Variants in PCTP observed in about 807,000 individuals in gnomAD.
PCTP encodes the protein phosphatidylcholine transfer protein.
In PCTP, 27 loss-of-function variants were observed where a neutral mutation model predicts 31.0. The observed-to-expected ratio is 0.87, with a 90% confidence interval of 0.64 to 1.20. PCTP has a LOEUF of 1.20. Among genes scored for constraint, PCTP ranks in the 50% most tolerant of loss-of-function variants. The pLI is 0.00. For missense variants in PCTP, 287 were observed against 268.2 expected (o/e 1.07, Z -0.49); for synonymous variants, 108 against 101.2 (o/e 1.07, Z -0.40).
At chr17:55,762,587 G>T in intron 1 of PCTP, among the ~76,000 whole-genome samples, 1 of 152,128 alleles carries the variant, frequency 6.6e-6, no homozygotes, top group East Asian at 1.9e-4. Context: ...ATGACAAACA[G>T]AGGCATGTTT....
intron 2 of PCTP, 60 bp downstream of exon 2, chr17:55,767,512 TG>T (rs1204138569): frequency 8.4e-7 from 1 of 1,187,512 alleles, no homozygotes; most frequent in Admixed American, 1.8e-5. Context: ...TAGCCCAGGG[TG>T]AAGTGCAAAG....
chr17:55,754,396 A>G (rs894415973), intron 1 of PCTP, among the ~76,000 whole-genome samples: 2 of 152,312 alleles, frequency 1.3e-5, no homozygotes, highest in Middle Eastern at 3.4e-3. Flanking sequence ...AGGATACTAC[A>G]AAGTATACAG....
At chr17:55,808,114 A>G (rs1912633479) in intron 3 of PCTP, among the ~76,000 whole-genome samples, 1 of 152,198 alleles carries the variant, frequency 6.6e-6, no homozygotes, top group Admixed American at 6.5e-5. Flanking sequence ...CCTGAGGTAG[A>G]GTACCTCAAC....
chr17:55,756,146 T>A (rs1199739572), intron 1 of PCTP, among the ~76,000 whole-genome samples: 1 of 152,198 alleles, frequency 6.6e-6, no homozygotes, highest in Non-Finnish European at 1.5e-5. Flanking sequence ...CTGCCTCCCA[T>A]GTGCTACTGT....
chr17:55,839,780 C>T (rs1412368725), intron 5 of PCTP, among the ~76,000 whole-genome samples: 1 of 150,230 alleles, frequency 6.7e-6, no homozygotes, highest in Admixed American at 6.6e-5. Context: ...ATTAGCCGGG[C>T]GTAGTGGCGG....
At chr17:55,825,315 A>G (rs1905360447), downstream of PCTP, among the ~76,000 whole-genome samples, 1 of 152,254 alleles carries the variant, frequency 6.6e-6, no homozygotes, top group Non-Finnish European at 1.5e-5. Context: ...AGGATTGAGA[A>G]AAACTCAAGG....
At chr17:55,787,940 C>T (rs1911811414) in intron 3 of PCTP, among the ~76,000 whole-genome samples, 1 of 152,162 alleles carries the variant, frequency 6.6e-6, no homozygotes, top group African/African-American at 2.4e-5. Flanking sequence ...TATAATATGG[C>T]CCTCAGAGTT....
At chr17:55,808,906 T>C (rs1185933792) in intron 3 of PCTP, among the ~76,000 whole-genome samples, 1 of 152,178 alleles carries the variant, frequency 6.6e-6, no homozygotes, top group African/African-American at 2.4e-5. Context: ...CTAAGAATAA[T>C]GGGCTTGAGC....
chr17:55,838,182 A>G (rs1164408651), intron 5 of PCTP, among the ~76,000 whole-genome samples: 1 of 151,910 alleles, frequency 6.6e-6, no homozygotes, highest in Non-Finnish European at 1.5e-5. Flanking sequence ...ATCATATTTC[A>G]ATCCTGTTTA....
chr17:55,803,254 G>C (rs765696036), intron 3 of PCTP, among the ~76,000 whole-genome samples: 11 of 152,146 alleles, frequency 7.2e-5, no homozygotes, highest in Non-Finnish European at 1.5e-4. Flanking sequence ...TGGATAAGAA[G>C]AATCAATATT....
At chr17:55,822,774 C>T (rs759988907) in exon 4 of PCTP, 1 of 1,231,118 alleles carries the variant, frequency 8.1e-7, no homozygotes, top group Non-Finnish European at 1.0e-6. Flanking sequence ...CAGAGCAGAA[C>T]CAAGCGGGAA....
At position 55,777,179 on chromosome 17, in the gene PCTP, C is replaced by G. The variant is rs1911381247; in HGVS notation, c.*1079C>G. The stretch of plus-strand genomic sequence containing the variant: ...TTGGTAGGGTAAGGTATTTCTATGT[C>G]AAAGGCACAGCCTTGATGATCTCAG... On this transcript the variant is annotated 3_prime_UTR_variant, in exon 6 of 6. Transcript: ENST00000268896. 1 of 985,356 alleles carries G rather than the reference C, an allele frequency of 1.0e-6. No individual in the cohort carries two copies. Among genetic ancestry groups the G allele is most frequent in the African/African-American group, 1.7e-5 (1 of 57,196 alleles). 61.0% of individuals were successfully genotyped at this position (985,356 alleles called of 1,614,324 possible).
At chr17:55,826,187 A>T (rs1283796125), downstream of PCTP, among the ~76,000 whole-genome samples, 5 of 152,112 alleles carry the variant, frequency 3.3e-5, no homozygotes, top group African/African-American at 1.2e-4. Flanking sequence ...AGGAACACTG[A>T]ATGTGGAACA....
chr17:55,775,100 C>T (rs1401148777), intron 5 of PCTP, among the ~76,000 whole-genome samples: 1 of 152,060 alleles, frequency 6.6e-6, no homozygotes, highest in Non-Finnish European at 1.5e-5. Flanking sequence ...CTGCTTGTGC[C>T]CCAGGACCCC....
chr17:55,777,189 G>T lies in PCTP; in HGVS notation c.*1089G>T. ...AAGGTATTTCTATGTCAAAGGCACA[G>T]CCTTGATGATCTCAGGGAAAAATTT... On this transcript the variant is annotated 3_prime_UTR_variant, in exon 6 of 6. Transcript: ENST00000268896. 1.0e-6 allele frequency: 1 copy of T among 984,892 alleles called. No individual in the cohort carries two copies. Among genetic ancestry groups the T allele is most frequent in the Non-Finnish European group, 1.2e-6 (1 of 829,070 alleles). The allele number at this position is 984,892 out of a possible 1,614,324, so 61.0% of individuals were successfully genotyped here. A position where few individuals can be genotyped will look rare whatever the true frequency, so the allele number is the denominator to read the frequency against.
downstream of PCTP, among the ~76,000 whole-genome samples, chr17:55,779,721 A>G (rs2144983599): frequency 6.6e-6 from 1 of 152,350 alleles, no homozygotes; most frequent in East Asian, 1.9e-4. Context: ...CAGCCTCTCC[A>G]GTAGCATTGT....
At chr17:55,792,775 T>A (rs1912046904) in intron 3 of PCTP, among the ~76,000 whole-genome samples, 2 of 152,190 alleles carry the variant, frequency 1.3e-5, no homozygotes, top group Admixed American at 6.6e-5. Flanking sequence ...CTCACTCACA[T>A]GCAGTATACC....
intron 3 of PCTP, among the ~76,000 whole-genome samples, chr17:55,790,335 A>T (rs1163721591): frequency 3.9e-5 from 6 of 152,172 alleles, no homozygotes; most frequent in African/African-American, 1.4e-4. Flanking sequence ...AATAAAGGGT[A>T]TTCAATTAGG....
intron 5 of PCTP, among the ~76,000 whole-genome samples, chr17:55,841,034 A>G (rs766437054): frequency 7.9e-5 from 12 of 152,336 alleles, no homozygotes; most frequent in Middle Eastern, 6.8e-3. Context: ...TCCGTGAAAC[A>G]TATCTTCCAC....
Sources: allele counts gnomAD v4.1 joint callset (sites outside exome capture counted in the v4.1 genomes callset), GRCh38; gene constraint gnomAD v4.1.1; transcripts MANE v1.5; gene names NCBI Gene and HGNC (gene_info 2026-07-23, HGNC 2026-07-21).